Variants in PTK2 observed in about 807,000 individuals in gnomAD.
PTK2 encodes the protein protein tyrosine kinase 2.
In PTK2, 45 loss-of-function variants were observed where a neutral mutation model predicts 150.1. That is an observed-to-expected ratio of 0.30 (90% CI 0.24 to 0.38). PTK2 has a LOEUF of 0.38. Ranked by LOEUF, PTK2 falls within the 10% of genes least tolerant of loss-of-function variation. The pLI is 1.00. For synonymous variants in PTK2, 432 were observed against 449.2 expected (o/e 0.96, Z 0.48); for missense variants, 919 against 1,307.3 (o/e 0.70, Z 4.58).
intron 2 of PTK2, among the ~76,000 whole-genome samples, chr8:140,922,438 C>CCA (rs904632156): frequency 6.6e-6 from 1 of 151,874 alleles, no homozygotes; most frequent in Non-Finnish European, 1.5e-5. Flanking sequence ...TCCCCAGCCT[C>CCA]CACCATTATA....
At chr8:140,991,624 T>C (rs892956436) in intron 1 of PTK2, among the ~76,000 whole-genome samples, 5 of 152,206 alleles carry the variant, frequency 3.3e-5, no homozygotes, top group Non-Finnish European at 1.5e-5. Context: ...GACTAATTTT[T>C]GCCTCCTATG....
chr8:140,815,979 A>G (rs2100104474), intron 10 of PTK2, among the ~76,000 whole-genome samples: 1 of 152,186 alleles, frequency 6.6e-6, no homozygotes, highest in African/African-American at 2.4e-5. Context: ...AATATTGTCT[A>G]CTGCCCTGTT....
At chr8:140,816,615 T>G (rs2100104858) in intron 10 of PTK2, among the ~76,000 whole-genome samples, 1 of 152,206 alleles carries the variant, frequency 6.6e-6, no homozygotes, top group African/African-American at 2.4e-5. Flanking sequence ...AAAAGGACAA[T>G]TGTGTTGGTA....
At chr8:140,839,972 A>G (rs1452756390) in intron 7 of PTK2, among the ~76,000 whole-genome samples, 1 of 152,226 alleles carries the variant, frequency 6.6e-6, no homozygotes, top group Non-Finnish European at 1.5e-5. Flanking sequence ...GTCATAACAG[A>G]GTATCTTTAC....
At chr8:140,693,425 C>T (rs1405160468) in intron 26 of PTK2, among the ~76,000 whole-genome samples, 16 of 151,808 alleles carry the variant, frequency 1.1e-4, no homozygotes, top group Admixed American at 1.0e-3. Context: ...GGCTTGGTAG[C>T]ATATGCCCGT....
At chr8:140,662,580 C>A (rs2082116852) in intron 31 of PTK2, 6 of 427,112 alleles carry the variant, frequency 1.4e-5, no homozygotes, top group East Asian at 3.4e-5. Flanking sequence ...AGTTACACTA[C>A]AGCACCAGTC....
At chr8:140,887,045 TG>T (rs2100152564) in intron 3 of PTK2, among the ~76,000 whole-genome samples, 1 of 152,206 alleles carries the variant, frequency 6.6e-6, no homozygotes, top group Non-Finnish European at 1.5e-5. Context: ...GCCAAAGCTA[TG>T]GCCAAGATAA....
intron 22 of PTK2, among the ~76,000 whole-genome samples, chr8:140,727,657 G>T (rs949602350): frequency 6.6e-6 from 1 of 152,038 alleles, no homozygotes; most frequent in African/African-American, 2.4e-5. Context: ...TTCGTGTTGT[G>T]GGATAAGGGA....
chr8:140,921,067 C>A, intron 2 of PTK2: 1 of 1,317,320 alleles, frequency 7.6e-7, no homozygotes, highest in East Asian at 3.1e-5. Flanking sequence ...GGTGTTCCTT[C>A]TGTAATATTT....
intron 1 of PTK2, among the ~76,000 whole-genome samples, chr8:140,940,110 C>G (rs2100175131): frequency 6.6e-6 from 1 of 152,236 alleles, no homozygotes; most frequent in Non-Finnish European, 1.5e-5. Flanking sequence ...TTCGTATTGA[C>G]ATATCCTAAC....
intron 1 of PTK2, among the ~76,000 whole-genome samples, chr8:140,995,082 TC>T (rs1809995832): frequency 1.1e-5 from 1 of 89,522 alleles, no homozygotes. Context: ...AAACTCTGTC[TC>T]AAAAAAAAAA....
intron 4 of PTK2, among the ~76,000 whole-genome samples, chr8:140,878,982 C>A (rs1242216565): frequency 6.6e-6 from 1 of 152,042 alleles, no homozygotes; most frequent in East Asian, 1.9e-4. Context: ...CTAATTTTAA[C>A]GTTGCATGTG....
At chr8:140,743,154 A>AT in intron 20 of PTK2, 76 bp downstream of exon 23, 1 of 925,578 alleles carries the variant, frequency 1.1e-6, no homozygotes, top group Non-Finnish European at 1.7e-6. Context: ...TCAGGTGAGC[A>AT]TATTAGAACA....
At chr8:140,895,901 A>G (rs1261415317) in intron 2 of PTK2, among the ~76,000 whole-genome samples, 1 of 152,182 alleles carries the variant, frequency 6.6e-6, no homozygotes, top group Non-Finnish European at 1.5e-5. Context: ...TTAAAAGGAC[A>G]ACTTAAAAGC....
At chr8:140,876,756 T>G (rs1415928329) in intron 4 of PTK2, among the ~76,000 whole-genome samples, 2 of 152,116 alleles carry the variant, frequency 1.3e-5, no homozygotes, top group Non-Finnish European at 2.9e-5. Context: ...CTGGAAAATT[T>G]TTTCTCTTGT....
chr8:140,874,928 T>C lies in PTK2; in HGVS notation c.362+4543A>G, dbSNP rs1473905417. 3.3e-5 allele frequency among the ~76,000 whole-genome samples: 5 copies of C among 152,194 alleles called. No individual in the cohort carries two copies. The East Asian group carries it at 9.6e-4, about 29-fold the overall frequency. On this transcript the variant is annotated intron_variant, in intron 4 of 31. Transcript: ENST00000522684. ...TATTGCTTATTGGGTGCCTATTGTA[T>C]ACCAGGCATGACTAGAACCAGGAAT...
rs200252682 is a variant in PTK2 at position 140,694,195 on chromosome 8, T to C, written c.2499+6696A>G. On this transcript the variant is annotated intron_variant, in intron 26 of 31. Transcript: ENST00000522684. ...AGCTGGGACTACAGGCACCTGCCAC[T>C]ACGCCCAGCTAATTTTTTGTATTTT... Among the ~76,000 whole-genome samples the C allele has an allele frequency of 5.1e-4, 78 of 152,018 alleles. No homozygotes were observed. In the East Asian group the frequency reaches 0.013, roughly 26 times the overall value.
intron 14 of PTK2, among the ~76,000 whole-genome samples, chr8:140,766,368 T>A (rs2100072293): frequency 6.6e-6 from 1 of 152,174 alleles, no homozygotes; most frequent in South Asian, 2.1e-4. Context: ...GCACCAAAGC[T>A]TATGCTGGCC....
intron 1 of PTK2, among the ~76,000 whole-genome samples, chr8:140,970,542 T>C (rs2100186853): frequency 6.6e-6 from 1 of 152,272 alleles, no homozygotes; most frequent in Non-Finnish European, 1.5e-5. Context: ...TTCAACCTTG[T>C]CAGCAAATAA....
Sources: gnomAD v4.1 joint callset for allele counts (sites outside exome capture counted in the v4.1 genomes callset) on GRCh38, gnomAD v4.1.1 for gene constraint, MANE v1.5 for transcripts, NCBI Gene and HGNC (gene_info 2026-07-23, HGNC 2026-07-21) for gene names.